Variants in EXOC3L4 observed in about 807,000 individuals in gnomAD.
The protein encoded by EXOC3L4 is exocyst complex component 3-like protein 4.
A neutral mutation model predicts 69.7 loss-of-function variants in EXOC3L4; 62 were observed. The ratio of observed to expected loss-of-function variants is 0.89; its 90% CI spans 0.72 to 1.10. The LOEUF is 1.10. EXOC3L4 is among the 50% of genes least tolerant of loss of function. EXOC3L4 has a pLI of 0.00. For missense variants in EXOC3L4, 1,087 were observed against 1,034.8 expected, an observed-to-expected ratio of 1.05 and a Z score of -0.69; for synonymous variants, 502 against 464.2, an observed-to-expected ratio of 1.08 and a Z score of -1.05.
At chr14:103,098,707 G>A (rs56956502) in intron 1 of EXOC3L4, 34,192 of 152,316 alleles carry the variant, frequency 0.22, 4,005 homozygotes, top group South Asian at 0.27. Context: ...AAGGGGCACC[G>A]GGGAGAGAGA....
At chr14:103,099,138 G>A (rs192107524) in intron 1 of EXOC3L4, among the ~76,000 whole-genome samples, 468 of 152,102 alleles carry the variant, frequency 3.1e-3, no homozygotes, top group Middle Eastern at 6.8e-3. Context: ...CTAGGGGCAG[G>A]TCCAGCCCTT....
intron 7 of EXOC3L4, 60 bp from the exon 8 acceptor site, chr14:103,106,725 C>G (rs1297470478): frequency 9.4e-7 from 1 of 1,061,456 alleles, no homozygotes; most frequent in Non-Finnish European, 1.4e-6. Flanking sequence ...GTGTGCCCGG[C>G]TCTATTCCCC....
chr14:103,110,198 T>C lies in EXOC3L4; in HGVS notation c.2144T>C (p.Met715Thr), dbSNP rs1890854936. 6.6e-7 allele frequency: 1 copy of C among 1,514,646 alleles called. No individual in the cohort carries two copies. Among genetic ancestry groups the C allele is most frequent in the Non-Finnish European group, 8.9e-7 (1 of 1,129,308 alleles). 93.8% of individuals were successfully genotyped at this position (1,514,646 alleles called of 1,614,324 possible). A position where few individuals can be genotyped will look rare whatever the true frequency, so the allele number is the denominator to read the frequency against. Residue 715 changes from methionine (M) to threonine (T), a missense_variant, in exon 12 of 12, where the codon ATG (methionine) becomes ACG (threonine). Met to Thr is a moderately conservative substitution (Grantham distance 81). Transcript: ENST00000688303. Reference sequence around the variant, plus strand: ...GAGGAGATCAAGGTGCCCAGTGCCATGGCTGTGCTGATCACCTGCGTCTAG... The same window carrying C: ...GAGGAGATCAAGGTGCCCAGTGCCACGGCTGTGCTGATCACCTGCGTCTAG... ...LFEEIKVPSAMAVLITCV is the reference protein window; with the variant it reads ...LFEEIKVPSATAVLITCV
At position 103,110,365 on chromosome 14, in the gene EXOC3L4, C is replaced by T. The variant is rs562658509; in HGVS notation, c.*142C>T. 2.8e-4 allele frequency: 280 copies of T among 1,016,790 alleles called. No homozygotes were observed. The African/African-American group carries it at 3.9e-3, about 14-fold the overall frequency. The allele number at this position is 1,016,790 out of a possible 1,614,324, so 63.0% of individuals were successfully genotyped here. A position where few individuals can be genotyped will look rare whatever the true frequency, so the allele number is the denominator to read the frequency against. On this transcript the variant is annotated 3_prime_UTR_variant, in exon 12 of 12. Transcript: ENST00000688303. ...GGAATTTTTGTCGTCAGCAGCCAAG[C>T]GCAGCTGTCAGGCCAGAAGGAGCAG...
chr14:103,105,669 T>A (rs1890505939), intron 7 of EXOC3L4, among the ~76,000 whole-genome samples: 2 of 152,110 alleles, frequency 1.3e-5, no homozygotes, highest in African/African-American at 4.8e-5. Context: ...TGGGCTTTGC[T>A]GGGGTGAGGT....
rs550419114 is a variant in EXOC3L4, at chr14:103,102,251, G to T, written c.528G>T (p.Ala176=). The T allele has an allele frequency of 2.5e-5, 40 of 1,587,792 alleles. 1 individual carries two copies. In the South Asian group the frequency reaches 4.2e-4, roughly 17 times the overall value. The change falls in exon 3 of 12, where the codon GCG becomes GCT. Residue 176 remains alanine (A), a synonymous_variant. Transcript: ENST00000688303. ...TTGAGCAGGACCCTACGGCCTTCGC[G>T]CGGCGCGCTATGGACGTGTGCCTGC... ...RTFEQDPTAF[A]RRAMDVCLLY...
Position 103,102,719 on chromosome 14 carries a change from C to A in EXOC3L4, c.996C>A (p.Arg332=). ...QRLQELARDA[R]GCEQLYILLD... is the part of the protein sequence containing the mutation. ...TCCAGGAGCTCGCGCGCGACGCCCG[C>A]GGCTGCGAGCAGCTCTATATCCTGC... is the stretch of plus-strand genomic sequence containing the variant. Residue 332 remains arginine, a synonymous_variant, in exon 3 of 12, where the codon CGC becomes CGA. Transcript: ENST00000688303. The A allele has an allele frequency of 1.4e-6, 2 of 1,454,082 alleles. No individual in the cohort carries two copies. The highest frequency in any genetic ancestry group is 1.4e-5 in the South Asian group (1 of 73,490). The allele number at this position is 1,454,082 out of a possible 1,614,324, so 90.1% of individuals were successfully genotyped here.
upstream of EXOC3L4, chr14:103,094,603 C>T (rs118131340): frequency 4.5e-3 from 685 of 151,460 alleles, 4 homozygotes; most frequent in South Asian, 0.032. Context: ...GCCTCCGGAA[C>T]GAAAAGGAAG....
At position 103,110,278 on chromosome 14, in the gene EXOC3L4, G is replaced by A. The variant is rs1890862619; in HGVS notation, c.*55G>A. The A allele has an allele frequency of 6.7e-7, 1 of 1,496,528 alleles. No individual in the cohort carries two copies. The highest frequency in any genetic ancestry group is 8.9e-7 in the Non-Finnish European group (1 of 1,122,412). The allele number at this position is 1,496,528 out of a possible 1,614,324, so 92.7% of individuals were successfully genotyped here. A position where few individuals can be genotyped will look rare whatever the true frequency, so the allele number is the denominator to read the frequency against. On this transcript the variant is annotated 3_prime_UTR_variant, in exon 12 of 12. Transcript: ENST00000688303. ...CTGGCAGGGAGCTGTGGTCAGTGGG[G>A]GTCAGCCAGGAGCCCAGGGAGTCAC...
chr14:103,104,665 G>A, intron 5 of EXOC3L4, 73 bp from the exon 6 acceptor site: 2 of 1,331,412 alleles, frequency 1.5e-6, no homozygotes, highest in East Asian at 2.8e-5. Context: ...GAGGCGCAGC[G>A]GGGGCTACCA....
In EXOC3L4 at chr14:103,097,142, TG is replaced by T. The variant is rs34056053; in HGVS notation, c.-17+2306del. On this transcript the variant is annotated intron_variant, in intron 1 of 11. Coordinates refer to ENST00000688303, the MANE Select transcript of EXOC3L4 (RefSeq NM_001077594.2). The surrounding 1 kb of genome is among the most constrained non-coding windows in gnomAD (Gnocchi z 4.9). ...AAGCTGAGGCTGGGGGTAGGGAGGGTGGGGAAGTTCGGACTTGACTTCTCGG... is the reference window on the plus strand; with the variant it reads ...AAGCTGAGGCTGGGGGTAGGGAGGGTGGGAAGTTCGGACTTGACTTCTCGG... Among the ~76,000 whole-genome samples, 1 of 39,956 alleles carries T rather than the reference TG, an allele frequency of 2.5e-5. No individual in the cohort carries two copies. Among genetic ancestry groups the T allele is most frequent in the Non-Finnish European group, 5.1e-5 (1 of 19,586 alleles). 26.2% of individuals were successfully genotyped at this position (39,956 alleles called of 152,430 possible).
chr14:103,103,368 A>AAAAAAAAG (rs1358354757), intron 3 of EXOC3L4, among the ~76,000 whole-genome samples: 106 of 146,196 alleles, frequency 7.3e-4, no homozygotes, highest in Non-Finnish European at 1.0e-3. Context: ...AAAAAAAAAA[A>AAAAAAAAG]AAAGAAAGAA....
chr14:103,105,038 C>G lies in EXOC3L4; in HGVS notation c.1432C>G (p.Leu478Val), dbSNP rs753184704. Residue 478 changes from leucine to valine, a missense_variant, in exon 7 of 12, where the codon CTG becomes GTG. Leu to Val is a conservative substitution (Grantham distance 32). Transcript: ENST00000688303. The stretch of plus-strand genomic sequence containing the variant: ...GTCGGAGGCGGTGAGCGAGCCGCAC[C>G]TGGGCGCCTACATCAACGCCTGCGA... ...LASEAVSEPH[L>V]GAYINACEEL... 9 of 1,612,352 alleles carry G rather than the reference C, an allele frequency of 5.6e-6. No individual in the cohort carries two copies. Among genetic ancestry groups the G allele is most frequent in the African/African-American group, 1.3e-5 (1 of 75,030 alleles).
chr14:103,105,037 C>T lies in EXOC3L4; in HGVS notation c.1431C>T (p.His477=), dbSNP rs765856203. 14 of 1,612,250 alleles carry T rather than the reference C, an allele frequency of 8.7e-6. No individual in the cohort carries two copies. Among genetic ancestry groups the T allele is most frequent in the Non-Finnish European group, 1.2e-5 (14 of 1,178,696 alleles). ...CGTCGGAGGCGGTGAGCGAGCCGCA[C>T]CTGGGCGCCTACATCAACGCCTGCG... The part of the protein sequence containing the change: ...FLASEAVSEP[H]LGAYINACEE... Residue 477 remains histidine, a synonymous_variant, in exon 7 of 12, where the codon CAC becomes CAT. Transcript: ENST00000688303.
rs1890407886 is a variant in EXOC3L4 at position 103,104,349 on chromosome 14, A to G, written c.1244A>G (p.Gln415Arg). 2 of 1,590,542 alleles carry G rather than the reference A, an allele frequency of 1.3e-6. No homozygotes were observed. Among genetic ancestry groups the G allele is most frequent in the Non-Finnish European group, 1.7e-6 (2 of 1,169,946 alleles). The change falls in exon 5 of 12, where the codon CAG becomes CGG. Residue 415 changes from glutamine to arginine, a missense_variant. Gln to Arg is a conservative substitution (Grantham distance 43). Transcript: ENST00000688303. Reference sequence around the variant, plus strand: ...GCCGCCGAGGTCCCCGAGGTGCTGCAGGGCCTCTACCAGGCGCCGCTGTCC... The same window carrying G: ...GCCGCCGAGGTCCCCGAGGTGCTGCGGGGCCTCTACCAGGCGCCGCTGTCC... ...WAAAEVPEVL[Q>R]GLYQAPLSMD...
chr14:103,107,490 A>G lies in EXOC3L4; in HGVS notation c.1648A>G (p.Lys550Glu). The change falls in exon 9 of 12, where the codon AAG becomes GAG. Residue 550 changes from lysine to glutamate, a missense_variant. Physicochemically the swap from Lys to Glu is moderately conservative, Grantham distance 56. Coordinates refer to ENST00000688303, the MANE Select transcript of EXOC3L4 (RefSeq NM_001077594.2). Reference sequence around the variant, plus strand: ...GGACTGGCTGCATCCCCTCATGGACAAGGTGGTGACCTTCGCCGGTCATCT... The same window carrying G: ...GGACTGGCTGCATCCCCTCATGGACGAGGTGGTGACCTTCGCCGGTCATCT... ...TQDWLHPLMD[K>E]VVTFAGHLQR... 6.2e-7 allele frequency: 1 copy of G among 1,613,806 alleles called. No homozygotes were observed. The highest frequency in any genetic ancestry group is 8.5e-7 in the Non-Finnish European group (1 of 1,180,006).
rs764316972 is a variant in EXOC3L4, at chr14:103,104,282, T to A, written c.1177T>A (p.Cys393Ser). 4 of 1,593,468 alleles carry A rather than the reference T, an allele frequency of 2.5e-6. No homozygotes were observed. Among genetic ancestry groups the A allele is most frequent in the Non-Finnish European group, 3.4e-6 (4 of 1,172,014 alleles). ...TSFLEAKIAS[C>S]FDSILQLEQS... ...CTCCCCCCAGGCCAAGATCGCAAGC[T>A]GCTTCGACAGCATCTTGCAGCTGGA... Residue 393 changes from cysteine to serine, a missense_variant, in exon 5 of 12, where the codon TGC becomes AGC. Transcript: ENST00000688303.
chr14:103,103,826 G>GTGTGTGTA (rs1890366279), intron 3 of EXOC3L4, 115 bp from the exon 4 acceptor site: 1 of 647,636 alleles, frequency 1.5e-6, no homozygotes, highest in Non-Finnish European at 2.7e-6. Context: ...GTGTGTGTGT[G>GTGTGTGTA]TGTACAGATG....
At chr14:103,102,056 C>G (rs1274750496) in intron 2 of EXOC3L4, 62 bp from the exon 3 acceptor site, 1 of 1,506,892 alleles carries the variant, frequency 6.6e-7, no homozygotes, top group African/African-American at 1.4e-5. Context: ...GCCTGCAGGT[C>G]TTCGTCCAGG....
Sources: gnomAD v4.1 joint callset for allele counts (sites outside exome capture counted in the v4.1 genomes callset) on GRCh38, gnomAD v4.1.1 for gene constraint, Gnocchi (gnomAD v3.1) non-coding constraint, MANE v1.5 for transcripts, NCBI Gene and HGNC (gene_info 2026-07-23, HGNC 2026-07-21) for gene names.